ZNF697: variants seen among roughly 807,000 people sequenced by gnomAD.
The protein encoded by ZNF697 is zinc finger protein 697.
In ZNF697, 23 loss-of-function variants were observed where a neutral mutation model predicts 32.4. That is an observed-to-expected ratio of 0.71 (90% CI 0.51 to 1.01). The LOEUF (loss-of-function observed/expected upper bound fraction) is 1.01. Among genes scored for constraint, ZNF697 ranks in the 50% least tolerant of loss-of-function variants. The pLI, the probability that ZNF697 is intolerant of heterozygous loss-of-function variation, is 0.00. For synonymous variants in ZNF697, 418 were observed against 337.2 expected (o/e 1.24, Z -2.62); for missense variants, 930 against 794.0 (o/e 1.17, Z -2.06).
At chr1:119,628,787 G>A (rs193165949) in intron 1 of ZNF697, among the ~76,000 whole-genome samples, 2 of 152,328 alleles carry the variant, frequency 1.3e-5, no homozygotes, top group Non-Finnish European at 2.9e-5. Context: ...AGGTTATTTA[G>A]AAGTTAGGAA....
intron 1 of ZNF697, among the ~76,000 whole-genome samples, chr1:119,629,462 A>C (rs1358999460): frequency 2.6e-5 from 4 of 152,224 alleles, no homozygotes; most frequent in Non-Finnish European, 4.4e-5. Context: ...GCAGCAGGGC[A>C]GTGTGATCAC....
chr1:119,626,019 C>G lies in ZNF697; in HGVS notation c.82G>C (p.Glu28Gln), dbSNP rs1197359247. 6.2e-7 allele frequency: 1 copy of G among 1,613,990 alleles called. No homozygotes were observed. Among genetic ancestry groups the G allele is most frequent in the East Asian group, 2.2e-5 (1 of 44,872 alleles). Residue 28 changes from glutamate to glutamine, a missense_variant, in exon 2 of 3, where the codon GAG becomes CAG. Glu to Gln is a conservative substitution (Grantham distance 29). Transcript: ENST00000421812. ...KGMGSDFEDS[E>Q]DREGDPEERE... The stretch of plus-strand genomic sequence containing the variant: ...TCTTCTGGGTCCCCTTCCCTGTCCT[C>G]AGAGTCCTCAAAATCAGAACCCATC...
chr1:119,648,220 GGCTGGCTGGCTGGCTC>G lies in ZNF697; in HGVS notation c.-583_-568del, dbSNP rs1195533314. ...TGGCTGGTTGGCTGGCTGGCTGGCT[GGCTGGCTGGCTGGCTC>G]GCTGGCTGGCTGCCCGGCTGACTCC... On this transcript the variant is annotated 5_prime_UTR_variant, in exon 1 of 3. Coordinates refer to ENST00000421812, the MANE Select transcript of ZNF697 (RefSeq NM_001080470.2). Among the ~76,000 whole-genome samples the G allele has an allele frequency of 2.6e-5, 4 of 151,672 alleles. No individual in the cohort carries two copies. Among genetic ancestry groups the G allele is most frequent in the South Asian group, 4.1e-4 (2 of 4,822 alleles).
At chr1:119,634,147 C>G (rs1648857602) in intron 1 of ZNF697, among the ~76,000 whole-genome samples, 1 of 152,172 alleles carries the variant, frequency 6.6e-6, no homozygotes, top group Non-Finnish European at 1.5e-5. Context: ...TCTTTTCCAA[C>G]CCAGATGATT....
At position 119,627,805 on chromosome 1, in the gene ZNF697, A is replaced by G. The variant is rs587684558; in HGVS notation, c.-37-1668T>C. Among the ~76,000 whole-genome samples, 6 of 152,304 alleles carry G rather than the reference A, an allele frequency of 3.9e-5. No individual in the cohort carries two copies. In the South Asian group the frequency reaches 1.2e-3, roughly 32 times the overall value. On this transcript the variant is annotated intron_variant, in intron 1 of 2. Transcript: ENST00000421812. Reference sequence around the variant, plus strand: ...CTGTTTAAAGCACCAAGTTTCCAACATTTGGAGATTTCTTGTCTAAGACAG... The same window carrying G: ...CTGTTTAAAGCACCAAGTTTCCAACGTTTGGAGATTTCTTGTCTAAGACAG...
intron 1 of ZNF697, among the ~76,000 whole-genome samples, chr1:119,628,164 C>T (rs587647585): frequency 5.3e-5 from 8 of 152,242 alleles, no homozygotes; most frequent in African/African-American, 7.2e-5. Flanking sequence ...ATAAGCATGT[C>T]ATCAGAATCT....
At chr1:119,630,862 C>G (rs1336472235) in intron 1 of ZNF697, among the ~76,000 whole-genome samples, 1 of 151,916 alleles carries the variant, frequency 6.6e-6, no homozygotes, top group Non-Finnish European at 1.5e-5. Context: ...AGGGCAAGAC[C>G]CCATCTCAAA....
intron 1 of ZNF697, among the ~76,000 whole-genome samples, chr1:119,635,746 T>C (rs962916410): frequency 2.6e-5 from 4 of 151,138 alleles, no homozygotes; most frequent in African/African-American, 7.3e-5. Flanking sequence ...ACAGTAGTGA[T>C]TTATGAAAAT....
At chr1:119,639,044 T>C (rs587686874) in intron 1 of ZNF697, among the ~76,000 whole-genome samples, 2 of 152,348 alleles carry the variant, frequency 1.3e-5, no homozygotes, top group East Asian at 3.9e-4. Context: ...CCATTTGTAT[T>C]GTATCTGGCC....
At chr1:119,646,576 C>G (rs1200975963) in intron 1 of ZNF697, among the ~76,000 whole-genome samples, 1 of 152,184 alleles carries the variant, frequency 6.6e-6, no homozygotes, top group African/African-American at 2.4e-5. Context: ...GGGCTCTCTC[C>G]ATGTCCTACA....
chr1:119,622,677 AGACG>A lies in ZNF697; in HGVS notation c.*24_*27del. 6.7e-7 allele frequency: 1 copy of A among 1,482,814 alleles called. No homozygotes were observed. The highest frequency in any genetic ancestry group is 1.4e-5 in the African/African-American group (1 of 71,192). The allele number at this position is 1,482,814 out of a possible 1,614,324, so 91.9% of individuals were successfully genotyped here. A position where few individuals can be genotyped will look rare whatever the true frequency, so the allele number is the denominator to read the frequency against. ...GATATCTACCCCCCACAGGCTCCCC[AGACG>A]GCAGCCTCCCGCGGACCCAGCCCCT... On this transcript the variant is annotated 3_prime_UTR_variant, in exon 3 of 3. Coordinates refer to ENST00000421812, the MANE Select transcript of ZNF697 (RefSeq NM_001080470.2).
chr1:119,643,391 T>C (rs1237621949), intron 1 of ZNF697, among the ~76,000 whole-genome samples: 2 of 152,132 alleles, frequency 1.3e-5, no homozygotes, highest in African/African-American at 4.8e-5. Context: ...GCACACTGTG[T>C]TTATACCAGG....
chr1:119,642,088 C>T (rs753593746), intron 1 of ZNF697, among the ~76,000 whole-genome samples: 19 of 152,104 alleles, frequency 1.2e-4, no homozygotes, highest in Non-Finnish European at 2.2e-4. Flanking sequence ...AACCTTAAAA[C>T]GTATACTACT....
At position 119,623,608 on chromosome 1, in the gene ZNF697, G is replaced by GCCCCCCCCCCCCCCCC; in HGVS notation, c.734_735insGGGGGGGGGGGGGGGG (p.Phe246GlyfsTer194). On this transcript the variant is annotated frameshift_variant, in exon 3 of 3. Coordinates refer to ENST00000421812, the MANE Select transcript of ZNF697 (RefSeq NM_001080470.2). LOFTEE classifies it high-confidence loss of function. ...GGGCCAGCGGGGGCCCGGCCCCGAA[G>GCCCCCCCCCCCCCCCC]CCCCCCGCCACACCCACCCCCATCA... The GCCCCCCCCCCCCCCCC allele has an allele frequency of 2.1e-6, 3 of 1,416,198 alleles. No homozygotes were observed. The highest frequency in any genetic ancestry group is 2.7e-6 in the Non-Finnish European group (3 of 1,095,614). 87.7% of individuals were successfully genotyped at this position (1,416,198 alleles called of 1,614,324 possible).
At chr1:119,624,996 T>G (rs1252558010) in intron 2 of ZNF697, among the ~76,000 whole-genome samples, 6 of 136,416 alleles carry the variant, frequency 4.4e-5, no homozygotes, top group East Asian at 2.5e-4. Context: ...GGGAGGGGGA[T>G]AGTAGTGGGG....
intron 1 of ZNF697, among the ~76,000 whole-genome samples, chr1:119,642,434 T>C (rs1412883081): frequency 2.0e-5 from 3 of 152,158 alleles, no homozygotes; most frequent in South Asian, 4.2e-4. Flanking sequence ...AGCAGGATGC[T>C]GAGAGGGGGG....
In ZNF697 at chr1:119,620,119, G is replaced by T. The variant is rs144952932; in HGVS notation, c.*2586C>A. 6.6e-6 allele frequency: 1 copy of T among 152,588 alleles called. No individual in the cohort carries two copies. Among genetic ancestry groups the T allele is most frequent in the Non-Finnish European group, 1.5e-5 (1 of 68,024 alleles). The allele number at this position is 152,588 out of a possible 1,614,324, so 9.5% of individuals were successfully genotyped here. A position where few individuals can be genotyped will look rare whatever the true frequency, so the allele number is the denominator to read the frequency against. On this transcript the variant is annotated 3_prime_UTR_variant, in exon 3 of 3. Coordinates refer to ENST00000421812, the MANE Select transcript of ZNF697 (RefSeq NM_001080470.2). ...ACATTTTAAATGCACCAATAGAGTC[G>T]GGTGTTGGTAGTTGGATTGTTTTCT... is the stretch of plus-strand genomic sequence containing the variant.
intron 1 of ZNF697, among the ~76,000 whole-genome samples, chr1:119,627,966 G>A (rs980911961): frequency 2.0e-5 from 3 of 150,674 alleles, no homozygotes; most frequent in African/African-American, 7.3e-5. Flanking sequence ...CCTTGAGTCT[G>A]CATATATAAT....
At chr1:119,627,793 C>T (rs1159359970) in intron 1 of ZNF697, among the ~76,000 whole-genome samples, 1 of 152,096 alleles carries the variant, frequency 6.6e-6, no homozygotes, top group African/African-American at 2.4e-5. Context: ...TTTAAAGCAC[C>T]AAGTTTCCAA....
Sources: gnomAD v4.1 joint callset for allele counts (sites outside exome capture counted in the v4.1 genomes callset) on GRCh38, gnomAD v4.1.1 for gene constraint, MANE v1.5 for transcripts, NCBI Gene and HGNC (gene_info 2026-07-23, HGNC 2026-07-21) for gene names.